Variants in AIG1 observed in about 807,000 individuals in gnomAD.
AIG1 encodes androgen induced 1.
Under a neutral mutation model 31.4 loss-of-function variants are expected in AIG1, and 23 were observed. The observed-to-expected ratio is 0.73, with a 90% CI of 0.53 to 1.04. The LOEUF (loss-of-function observed/expected upper bound fraction) is 1.04, where lower values mean the gene tolerates loss of function less well. Among genes scored for constraint, AIG1 ranks in the 50% least tolerant of loss-of-function variants. AIG1 has a pLI of 0.00. For synonymous variants in AIG1, 100 were observed against 110.5 expected, an observed-to-expected ratio of 0.90 and a Z score of 0.60; for missense variants, 274 against 295.0, an observed-to-expected ratio of 0.93 and a Z score of 0.52.
intron 4 of AIG1, among the ~76,000 whole-genome samples, chr6:143,319,785 G>C (rs935959297): frequency 7.9e-5 from 12 of 151,720 alleles, no homozygotes; most frequent in African/African-American, 2.9e-4. Flanking sequence ...CATTACAACT[G>C]AAGCAATAAA....
chr6:143,216,262 T>C (rs923151363), intron 3 of AIG1, among the ~76,000 whole-genome samples: 3 of 152,210 alleles, frequency 2.0e-5, no homozygotes, highest in African/African-American at 4.8e-5. Context: ...CTCTTGATTA[T>C]TAAGACCGGA....
chr6:143,136,967 G>C lies in AIG1; in HGVS notation c.274G>C (p.Val92Leu), dbSNP rs762716018. The change falls in exon 2 of 6, where the codon GTG (valine) becomes CTG (leucine). Residue 92 changes from valine (V) to leucine (L), a missense_variant. Val to Leu is a conservative substitution (Grantham distance 32). Transcript: ENST00000357847. ...CTCTCTCCGGGACTGGATGTTAGCT[G>C]TGTTGGCCTTTCCTGTTGGGGTTGT... Reference protein sequence around the residue: ...LISLRDWMLAVLAFPVGVFVV... With the variant: ...LISLRDWMLALLAFPVGVFVV... 1.4e-6 allele frequency: 2 copies of C among 1,465,730 alleles called. No individual in the cohort carries two copies. The highest frequency in any genetic ancestry group is 2.0e-5 in the Admixed American group (1 of 49,130). The allele number at this position is 1,465,730 out of a possible 1,614,324, so 90.8% of individuals were successfully genotyped here.
At position 143,338,361 on chromosome 6, in the gene AIG1, G is replaced by T. The variant is rs1777664226; in HGVS notation, c.680-1278G>T. 9.9e-6 allele frequency: 2 copies of T among 201,698 alleles called. No individual in the cohort carries two copies. The highest frequency in any genetic ancestry group is 2.0e-5 in the Non-Finnish European group (2 of 101,140). 12.5% of individuals were successfully genotyped at this position (201,698 alleles called of 1,614,324 possible). A position where few individuals can be genotyped will look rare whatever the true frequency, so the allele number is the denominator to read the frequency against. ...TTTCCTTCATAGGATTTCTGAGAAG[G>T]ACTTTGGAAAAAGTGCTCCAGATCT... On this transcript the variant is annotated intron_variant, in intron 5 of 5. Coordinates refer to ENST00000357847, the MANE Select transcript of AIG1 (RefSeq NM_016108.4). This position sits in a 1 kb window ranked among gnomAD's most constrained non-coding sequence, Gnocchi z 4.3.
At chr6:143,290,867 C>T (rs61517177) in intron 4 of AIG1, among the ~76,000 whole-genome samples, 1 of 151,956 alleles carries the variant, frequency 6.6e-6, no homozygotes, top group South Asian at 2.1e-4. Flanking sequence ...TTACAAGAGA[C>T]AGCCGAAGGA....
At chr6:143,206,454 G>A (rs1353996436) in intron 3 of AIG1, among the ~76,000 whole-genome samples, 1 of 152,112 alleles carries the variant, frequency 6.6e-6, no homozygotes, top group African/African-American at 2.4e-5. Context: ...AGGTGCCACT[G>A]CCAGCCTGCT....
chr6:143,230,940 TC>T (rs1420509961), intron 3 of AIG1, among the ~76,000 whole-genome samples: 1 of 152,188 alleles, frequency 6.6e-6, no homozygotes, highest in African/African-American at 2.4e-5. Context: ...CTTTCACACC[TC>T]CCATTCTTGA....
chr6:143,325,012 C>T lies in AIG1; in HGVS notation c.516-8270C>T, dbSNP rs1312030343. 6.6e-6 allele frequency among the ~76,000 whole-genome samples: 1 copy of T among 152,126 alleles called. No homozygotes were observed. Among genetic ancestry groups the T allele is most frequent in the Admixed American group, 6.6e-5 (1 of 15,262 alleles). ...TTCAACTGACTATATATCATTTATA[C>T]CCAGTCAACATCCAAAGTAGATTCG... On this transcript the variant is annotated intron_variant, in intron 4 of 5. Coordinates refer to ENST00000357847, the MANE Select transcript of AIG1 (RefSeq NM_016108.4). The surrounding 1 kb of genome is among the most constrained non-coding windows in gnomAD (Gnocchi z 4.3).
chr6:143,068,253 T>G (rs1188674280), intron 1 of AIG1, among the ~76,000 whole-genome samples: 1 of 152,252 alleles, frequency 6.6e-6, no homozygotes, highest in African/African-American at 2.4e-5. Context: ...ATGTCATGTT[T>G]CTGGGGGAAG....
intron 3 of AIG1, chr6:143,190,178 C>A: frequency 2.0e-6 from 2 of 985,044 alleles, no homozygotes; most frequent in Non-Finnish European, 2.4e-6. Context: ...AAACATTCAG[C>A]CCATAGCAGG....
At chr6:143,301,271 C>G (rs1466755420) in intron 4 of AIG1, among the ~76,000 whole-genome samples, 1 of 152,200 alleles carries the variant, frequency 6.6e-6, no homozygotes, top group African/African-American at 2.4e-5. Flanking sequence ...TGTATAGAAG[C>G]TTTATGCCTA....
At position 143,340,267 on chromosome 6, in the gene AIG1, A is replaced by T. The variant is rs1777802082; in HGVS notation, c.*591A>T. 1 of 152,208 alleles carries T rather than the reference A, an allele frequency of 6.6e-6. No individual in the cohort carries two copies. The highest frequency in any genetic ancestry group is 2.4e-5 in the African/African-American group (1 of 41,442). 9.4% of individuals were successfully genotyped at this position (152,208 alleles called of 1,614,324 possible). Reference sequence around the variant, plus strand: ...TTTAATCATGTGAAACTTTTCCTAGATGCAAATGCTGACTAATAAAGACAA... The same window carrying T: ...TTTAATCATGTGAAACTTTTCCTAGTTGCAAATGCTGACTAATAAAGACAA... On this transcript the variant is annotated 3_prime_UTR_variant, in exon 6 of 6. Transcript: ENST00000357847.
At chr6:143,248,035 T>G (rs1424719577) in intron 3 of AIG1, among the ~76,000 whole-genome samples, 1 of 152,220 alleles carries the variant, frequency 6.6e-6, no homozygotes, top group Non-Finnish European at 1.5e-5. Context: ...AACTGAGCCA[T>G]GCTGAGCATC....
rs1421663371 is a variant in AIG1 at position 143,291,730 on chromosome 6, A to C, written c.515+7505A>C. On this transcript the variant is annotated intron_variant, in intron 4 of 5. Transcript: ENST00000357847. This position sits in a 1 kb window ranked among gnomAD's most constrained non-coding sequence, Gnocchi z 4.2. ...CCCCCCTCCCATTCAGGGTTCCAGC[A>C]ATAAGCCTGCTGTGTTCAAGGAAAG... Among the ~76,000 whole-genome samples, 1 of 152,214 alleles carries C rather than the reference A, an allele frequency of 6.6e-6. No homozygotes were observed. The highest frequency in any genetic ancestry group is 1.5e-5 in the Non-Finnish European group (1 of 68,048).
At chr6:143,074,711 A>G (rs1777583679) in intron 1 of AIG1, among the ~76,000 whole-genome samples, 1 of 152,314 alleles carries the variant, frequency 6.6e-6, no homozygotes, top group East Asian at 1.9e-4. Context: ...TTGTGGGGTG[A>G]ATGCTACTTG....
intron 3 of AIG1, among the ~76,000 whole-genome samples, chr6:143,169,111 C>T (rs1394723060): frequency 6.6e-6 from 1 of 151,792 alleles, no homozygotes; most frequent in East Asian, 1.9e-4. Context: ...TTTTATAAAA[C>T]TACATGTGAC....
chr6:143,112,446 G>A (rs1781364231), intron 1 of AIG1, among the ~76,000 whole-genome samples: 2 of 151,990 alleles, frequency 1.3e-5, no homozygotes, highest in African/African-American at 4.8e-5. Context: ...ATTTTTTCAC[G>A]TTTGTATCCT....
chr6:143,133,687 A>G (rs1261676881), intron 1 of AIG1, among the ~76,000 whole-genome samples: 2 of 152,060 alleles, frequency 1.3e-5, no homozygotes, highest in South Asian at 2.1e-4. Flanking sequence ...CCAAATGTCT[A>G]GTTGTTTATG....
intron 1 of AIG1, among the ~76,000 whole-genome samples, chr6:143,130,240 T>A (rs1203570920): frequency 6.6e-6 from 1 of 151,836 alleles, no homozygotes; most frequent in Admixed American, 6.6e-5. Flanking sequence ...ATAGATACTT[T>A]AAAAAAAATT....
At chr6:143,300,414 A>G (rs1664048745) in intron 4 of AIG1, among the ~76,000 whole-genome samples, 1 of 152,232 alleles carries the variant, frequency 6.6e-6, no homozygotes, top group South Asian at 2.1e-4. Context: ...GATGGTTTCT[A>G]GAACACAACT....
Sources: gnomAD v4.1 joint callset for allele counts (sites outside exome capture counted in the v4.1 genomes callset) on GRCh38, gnomAD v4.1.1 for gene constraint, Gnocchi (gnomAD v3.1) non-coding constraint, MANE v1.5 for transcripts, NCBI Gene and HGNC (gene_info 2026-07-23, HGNC 2026-07-21) for gene names.